PKHD1: variants seen among roughly 807,000 people sequenced by gnomAD.
PKHD1 encodes the protein PKHD1 ciliary IPT domain containing fibrocystin/polyductin, also known as fibrocystin.
In PKHD1, 291 loss-of-function variants were observed where a neutral mutation model predicts 412.0. That is an observed-to-expected ratio of 0.71 (90% CI 0.64 to 0.78). The LOEUF (loss-of-function observed/expected upper bound fraction) is 0.78. Among genes scored for constraint, PKHD1 ranks in the 30% least tolerant of loss-of-function variants. The pLI is 0.00. For missense variants in PKHD1, 4,825 were observed against 4,950.7 expected (o/e 0.97, Z 0.76); for synonymous variants, 1,777 against 1,821.5 (o/e 0.98, Z 0.62).
intron 66 of PKHD1, among the ~76,000 whole-genome samples, chr6:51,621,663 C>A (rs934924651): frequency 1.3e-5 from 2 of 152,150 alleles, no homozygotes. Context: ...CAGCAACATA[C>A]CTGACAGACT....
chr6:51,892,593 C>G (rs774355678), intron 43 of PKHD1, among the ~76,000 whole-genome samples: 1 of 152,144 alleles, frequency 6.6e-6, no homozygotes. Context: ...ACACTAGAGT[C>G]ACATATTAGC....
chr6:51,960,174 C>G lies in PKHD1; in HGVS notation c.5752-148G>C, dbSNP rs563664645. 3.6e-4 allele frequency: 263 copies of G among 738,906 alleles called. 1 individual carries two copies. Among genetic ancestry groups the G allele is most frequent in the Middle Eastern group, 3.7e-4 (1 of 2,686 alleles). 45.8% of individuals were successfully genotyped at this position (738,906 alleles called of 1,614,324 possible). ...AAGTATTGAATCAAAATAGAAACTT[C>G]TCAAAGAAAGTAAAATTAATTTAAA... On this transcript the variant is annotated intron_variant, in intron 35 of 66. Transcript: ENST00000371117.
intron 35 of PKHD1, among the ~76,000 whole-genome samples, chr6:51,979,166 T>G (rs918503178): frequency 2.0e-5 from 3 of 152,128 alleles, no homozygotes; most frequent in Non-Finnish European, 4.4e-5. Flanking sequence ...TGCAGTTACA[T>G]AGAGAAGAAA....
chr6:52,012,024 T>A (rs1297256690), intron 34 of PKHD1, among the ~76,000 whole-genome samples: 2 of 152,200 alleles, frequency 1.3e-5, no homozygotes, highest in Admixed American at 1.3e-4. Flanking sequence ...GATTTCACCA[T>A]GGTGTGTTTG....
chr6:52,036,553 G>A lies in PKHD1; in HGVS notation c.3098-832C>T, dbSNP rs552713845. Among the ~76,000 whole-genome samples the A allele has an allele frequency of 4.6e-5, 7 of 152,328 alleles. No homozygotes were observed. In the East Asian group the frequency reaches 1.3e-3, roughly 29 times the overall value. On this transcript the variant is annotated intron_variant, in intron 27 of 66. Transcript: ENST00000371117. ...TTACCCCCCCTTGAGGGTGGGGAGGGATGCAGAAGCAAGACTACTTTCAAG... is the reference window on the plus strand; with the variant it reads ...TTACCCCCCCTTGAGGGTGGGGAGGAATGCAGAAGCAAGACTACTTTCAAG...
chr6:51,978,029 A>G (rs533939773), intron 35 of PKHD1, among the ~76,000 whole-genome samples: 4 of 152,300 alleles, frequency 2.6e-5, no homozygotes, highest in Admixed American at 6.5e-5. Context: ...TTGCAGACCT[A>G]AGATCCCAGC....
In PKHD1 at chr6:51,775,830, A is replaced by T. The variant is rs941290574; in HGVS notation, c.8532T>A (p.Ile2844=). The change falls in exon 54 of 67, where the codon ATT becomes ATA. Residue 2844 remains isoleucine, a synonymous_variant. Transcript: ENST00000371117. Reference sequence around the variant, plus strand: ...TACCAATTGTTCCTGGGTCAATATGAATTCCATTCATACGGTCACAAAAGA... The same window carrying T: ...TACCAATTGTTCCTGGGTCAATATGTATTCCATTCATACGGTCACAAAAGA... The part of the protein sequence containing the change: ...EGVFCDRMNG[I]HIDPGTIGVY... 3 of 1,548,352 alleles carry T rather than the reference A, an allele frequency of 1.9e-6. No individual in the cohort carries two copies. Among genetic ancestry groups the T allele is most frequent in the Admixed American group, 1.7e-5 (1 of 59,752 alleles).
intron 60 of PKHD1, among the ~76,000 whole-genome samples, chr6:51,694,008 A>G (rs1022465623): frequency 6.6e-6 from 1 of 152,136 alleles, no homozygotes; most frequent in South Asian, 2.1e-4. Flanking sequence ...CTATATAAAC[A>G]ATTAGTTAAG....
intron 28 of PKHD1, among the ~76,000 whole-genome samples, chr6:52,035,355 C>G (rs1321304762): frequency 6.6e-6 from 1 of 152,142 alleles, no homozygotes; most frequent in Non-Finnish European, 1.5e-5. Context: ...CAGTACAGAC[C>G]AGAACTGCCT....
At chr6:51,971,377 C>A (rs1040735365) in intron 35 of PKHD1, among the ~76,000 whole-genome samples, 3 of 152,114 alleles carry the variant, frequency 2.0e-5, no homozygotes, top group African/African-American at 7.2e-5. Flanking sequence ...TAAATAACAG[C>A]AAGAAAGGTG....
At chr6:51,734,632 A>G (rs567112312) in intron 60 of PKHD1, among the ~76,000 whole-genome samples, 1 of 152,150 alleles carries the variant, frequency 6.6e-6, no homozygotes, top group East Asian at 1.9e-4. Flanking sequence ...GGTCCTCCAT[A>G]TTCCTGAGTT....
chr6:51,729,408 T>C (rs1032426081), intron 60 of PKHD1, among the ~76,000 whole-genome samples: 3 of 152,342 alleles, frequency 2.0e-5, no homozygotes, highest in Non-Finnish European at 2.9e-5. Context: ...ATTCTTACTA[T>C]AAAAACTAAA....
At chr6:51,712,604 C>CA (rs1296655676) in intron 60 of PKHD1, among the ~76,000 whole-genome samples, 1 of 152,068 alleles carries the variant, frequency 6.6e-6, no homozygotes, top group Non-Finnish European at 1.5e-5. Context: ...TTTGCTTGAA[C>CA]AAAACATTTG....
rs115682119 is a variant in PKHD1, at chr6:52,071,092, G to T, written c.603-22C>A. ...ATAACTAAGGAAAAGACAAACTGAG[G>T]TAAGAATGACCAGACAACTCACTAC... On this transcript the variant is annotated intron_variant, in intron 8 of 66. Coordinates refer to ENST00000371117, the MANE Select transcript of PKHD1 (RefSeq NM_138694.4). 1,307 of 1,533,380 alleles carry T rather than the reference G, an allele frequency of 8.5e-4. 5 individuals are homozygous for T. In the African/African-American group the frequency reaches 0.014, roughly 16 times the overall value. The allele number at this position is 1,533,380 out of a possible 1,614,324, so 95.0% of individuals were successfully genotyped here.
intron 35 of PKHD1, chr6:51,975,856 A>G (rs977132219): frequency 1.3e-5 from 2 of 151,420 alleles, no homozygotes; most frequent in African/African-American, 2.4e-5. Flanking sequence ...CAGGTTGGAA[A>G]AAGAGCAGGT....
chr6:52,010,226 C>T, intron 35 of PKHD1, 83 bp downstream of exon 35: 1 of 1,246,788 alleles, frequency 8.0e-7, no homozygotes, highest in African/African-American at 1.5e-5. Context: ...GCCATTTGGA[C>T]TAAATTGTTT....
intron 36 of PKHD1, among the ~76,000 whole-genome samples, chr6:51,945,540 C>A (rs573801146): frequency 1.4e-4 from 21 of 152,322 alleles, no homozygotes; most frequent in South Asian, 1.0e-3. Flanking sequence ...AATGGAGGCA[C>A]AAGGCTCATG....
rs938207901 is a variant in PKHD1, at chr6:51,744,687, C to A, written c.9999-145G>T. 11 of 661,464 alleles carry A rather than the reference C, an allele frequency of 1.7e-5. No individual in the cohort carries two copies. In the East Asian group the frequency reaches 3.0e-4, roughly 18 times the overall value. 41.0% of individuals were successfully genotyped at this position (661,464 alleles called of 1,614,324 possible). A position where few individuals can be genotyped will look rare whatever the true frequency, so the allele number is the denominator to read the frequency against. On this transcript the variant is annotated intron_variant, in intron 59 of 66. Transcript: ENST00000371117. Reference sequence around the variant, plus strand: ...TGTTACATAGATATAAAATAAAACTCTTTATGAAATAATTTATTTCCCAAT... The same window carrying A: ...TGTTACATAGATATAAAATAAAACTATTTATGAAATAATTTATTTCCCAAT...
intron 66 of PKHD1, among the ~76,000 whole-genome samples, chr6:51,625,088 C>T (rs1380681018): frequency 1.3e-5 from 2 of 152,148 alleles, no homozygotes; most frequent in African/African-American, 2.4e-5. Flanking sequence ...TTCTAGCACC[C>T]TGACCGTACC....
Sources: gnomAD v4.1 joint callset for allele counts (sites outside exome capture counted in the v4.1 genomes callset) on GRCh38, gnomAD v4.1.1 for gene constraint, MANE v1.5 for transcripts, NCBI Gene and HGNC (gene_info 2026-07-23, HGNC 2026-07-21) for gene names.